The following RIMS2 variants were observed in gnomAD, a reference collection of about 807,000 sequenced individuals.
RIMS2 encodes the protein regulating synaptic membrane exocytosis protein 2.
A neutral mutation model predicts 174.4 loss-of-function variants in RIMS2; 59 were observed. The ratio of observed to expected loss-of-function variants is 0.34; its 90% CI spans 0.27 to 0.42. The LOEUF (loss-of-function observed/expected upper bound fraction) is 0.42. Among genes scored for constraint, RIMS2 ranks in the 10% least tolerant of loss-of-function variants. The pLI is 1.00. For missense variants in RIMS2, 1,620 were observed against 1,666.3 expected (o/e 0.97, Z 0.48); for synonymous variants, 606 against 572.5 (o/e 1.06, Z -0.84).
At chr8:103,695,301 T>C (rs1273152772) in intron 1 of RIMS2, among the ~76,000 whole-genome samples, 1 of 152,216 alleles carries the variant, frequency 6.6e-6, no homozygotes, top group Non-Finnish European at 1.5e-5. Flanking sequence ...GAGGGACAAA[T>C]GTTGGAAAGT....
At chr8:103,888,514 T>C (rs1227771256) in intron 4 of RIMS2, among the ~76,000 whole-genome samples, 2 of 151,556 alleles carry the variant, frequency 1.3e-5, no homozygotes, top group Non-Finnish European at 3.0e-5. Flanking sequence ...AGTTTTGTTA[T>C]CTTTGGTGGT....
At chr8:103,547,319 G>A (rs1490485855) in intron 1 of RIMS2, among the ~76,000 whole-genome samples, 1 of 152,022 alleles carries the variant, frequency 6.6e-6, no homozygotes, top group Admixed American at 6.6e-5. Context: ...TTCAACAAAT[G>A]TTGAATAAAT....
intron 1 of RIMS2, among the ~76,000 whole-genome samples, chr8:103,575,484 T>A (rs1588084957): frequency 6.6e-6 from 1 of 152,058 alleles, no homozygotes; most frequent in East Asian, 1.9e-4. Flanking sequence ...AAGTAAAGAA[T>A]GTTCACTGCA....
At chr8:103,596,585 A>G (rs927691338) in intron 1 of RIMS2, among the ~76,000 whole-genome samples, 2 of 152,068 alleles carry the variant, frequency 1.3e-5, no homozygotes, top group Admixed American at 6.6e-5. Flanking sequence ...ATTGTTAACT[A>G]TAGTGGATAT....
At chr8:103,772,756 T>C (rs1470400851) in intron 3 of RIMS2, among the ~76,000 whole-genome samples, 1 of 152,110 alleles carries the variant, frequency 6.6e-6, no homozygotes, top group African/African-American at 2.4e-5. Context: ...TAAAGACAAA[T>C]AGATCAGTGA....
At chr8:104,013,745 C>A (rs1487116170) in intron 18 of RIMS2, 124 bp downstream of exon 20, 11 of 700,896 alleles carry the variant, frequency 1.6e-5, no homozygotes, top group Non-Finnish European at 2.5e-5. Flanking sequence ...TCGATACTAA[C>A]CTTTTCAATG....
chr8:103,921,851 G>T, intron 10 of RIMS2, 67 bp downstream of exon 13: 1 of 651,650 alleles, frequency 1.5e-6, no homozygotes. Flanking sequence ...TATGATGCTT[G>T]TTTTTTACAA....
chr8:103,896,185 C>T (rs537003471), intron 4 of RIMS2, among the ~76,000 whole-genome samples: 1 of 151,684 alleles, frequency 6.6e-6, no homozygotes, highest in Non-Finnish European at 1.5e-5. Context: ...ACGCCTTAGG[C>T]TAGAAAAATT....
In RIMS2 at chr8:103,754,053, C is replaced by T. The variant is rs184345674; in HGVS notation, c.388-12174C>T. ...CAATTTTGGATCTTTCCTGCTTTCT[C>T]TTGTGGGCATTTAGTGCTATAAATT... On this transcript the variant is annotated intron_variant, in intron 2 of 23. Transcript: ENST00000504942. Among the ~76,000 whole-genome samples the T allele has an allele frequency of 8.5e-5, 13 of 152,288 alleles. No homozygotes were observed. The East Asian group carries it at 9.6e-4, about 11-fold the overall frequency.
rs1376865340 is a variant in RIMS2 at position 104,148,590 on chromosome 8, G to C, written c.3335-96326G>C. On this transcript the variant is annotated intron_variant, in intron 19 of 23. Coordinates refer to ENST00000504942, the Ensembl canonical transcript of RIMS2. Reference sequence around the variant, plus strand: ...TTTTACTCTTGTCCTCACTTTTAATGATCCATCGGCTGACAGTGTCTTTAC... The same window carrying C: ...TTTTACTCTTGTCCTCACTTTTAATCATCCATCGGCTGACAGTGTCTTTAC... 10 of 1,588,930 alleles carry C rather than the reference G, an allele frequency of 6.3e-6. No individual in the cohort carries two copies. The highest frequency in any genetic ancestry group is 8.5e-6 in the Non-Finnish European group (10 of 1,173,882).
At chr8:104,054,838 G>T (rs910100403) in intron 19 of RIMS2, among the ~76,000 whole-genome samples, 5 of 152,058 alleles carry the variant, frequency 3.3e-5, no homozygotes, top group African/African-American at 1.2e-4. Flanking sequence ...TATCTGACAT[G>T]TGTGTTGTTT....
chr8:103,522,104 AT>A (rs947125113), intron 1 of RIMS2, among the ~76,000 whole-genome samples: 2 of 152,034 alleles, frequency 1.3e-5, no homozygotes, highest in African/African-American at 2.4e-5. Context: ...CTTCAATATC[AT>A]TTGGTAAAGT....
At chr8:103,743,102 A>G (rs1438960988) in intron 2 of RIMS2, among the ~76,000 whole-genome samples, 1 of 152,186 alleles carries the variant, frequency 6.6e-6, no homozygotes, top group African/African-American at 2.4e-5. Flanking sequence ...TCATGGGTGT[A>G]TAACTGTAGC....
chr8:103,554,333 C>G (rs1281888808), intron 1 of RIMS2, among the ~76,000 whole-genome samples: 2 of 152,066 alleles, frequency 1.3e-5, no homozygotes, highest in Non-Finnish European at 2.9e-5. Flanking sequence ...GGAATTTAGA[C>G]AAATTTACAA....
At chr8:103,918,604 T>G in intron 9 of RIMS2, 117 bp downstream of exon 12, 1 of 755,542 alleles carries the variant, frequency 1.3e-6, no homozygotes, top group Non-Finnish European at 2.3e-6. Flanking sequence ...TTATCAAGTC[T>G]GTAAGCATAT....
intron 10 of RIMS2, among the ~76,000 whole-genome samples, chr8:103,927,400 C>T (rs2078979452): frequency 6.6e-6 from 1 of 151,430 alleles, no homozygotes; most frequent in Non-Finnish European, 1.5e-5. Flanking sequence ...CAATTACTTC[C>T]ACAGATGGCT....
intron 1 of RIMS2, among the ~76,000 whole-genome samples, chr8:103,693,611 G>A (rs911410064): frequency 2.0e-5 from 3 of 152,292 alleles, no homozygotes; most frequent in South Asian, 2.1e-4. Flanking sequence ...TTTGGAAAAT[G>A]TCTTCACCAG....
rs937397371 is a variant in RIMS2, at chr8:103,900,887, C to G, written c.1625-9247C>G. Among the ~76,000 whole-genome samples, 6 of 152,006 alleles carry G rather than the reference C, an allele frequency of 3.9e-5. No homozygotes were observed. The East Asian group carries it at 1.2e-3, about 29-fold the overall frequency. On this transcript the variant is annotated intron_variant, in intron 4 of 23. Transcript: ENST00000504942. ...TTTTGTCTTGTTATTGGGGTGGTTT[C>G]CCTTAGCCTCCTGATTATCCATAAT...
In RIMS2 at chr8:104,192,942, A is replaced by T. The variant is rs553078513; in HGVS notation, c.3335-51974A>T. 7.2e-5 allele frequency among the ~76,000 whole-genome samples: 11 copies of T among 152,264 alleles called. No homozygotes were observed. The South Asian group carries it at 2.3e-3, about 32-fold the overall frequency. On this transcript the variant is annotated intron_variant, in intron 19 of 23. Coordinates refer to ENST00000504942, the Ensembl canonical transcript of RIMS2. ...TACGCTATAATGAGATGTGCTGTTG[A>T]TAAGAAAGGAGTCAGCACAAGGAAA...
Sources: gnomAD v4.1 joint callset for allele counts (sites outside exome capture counted in the v4.1 genomes callset) on GRCh38, gnomAD v4.1.1 for gene constraint, MANE v1.5 for transcripts, NCBI Gene and HGNC (gene_info 2026-07-23, HGNC 2026-07-21) for gene names.